The following TLK1 variants were observed in gnomAD, a reference collection of about 807,000 sequenced individuals.
TLK1 encodes tousled like kinase 1.
Under a neutral mutation model 105.3 loss-of-function variants are expected in TLK1, and 24 were observed. The observed-to-expected ratio is 0.23, with a 90% CI of 0.17 to 0.32. The LOEUF is 0.32. Ranked by LOEUF, TLK1 falls within the 10% of genes least tolerant of loss-of-function variation. The pLI is 1.00. For missense variants in TLK1, 558 were observed against 910.5 expected, an observed-to-expected ratio of 0.61 and a Z score of 4.98; for synonymous variants, 321 against 310.4, an observed-to-expected ratio of 1.03 and a Z score of -0.36.
chr2:171,152,706 A>G (rs1692090261), intron 1 of TLK1, among the ~76,000 whole-genome samples: 1 of 152,218 alleles, frequency 6.6e-6, no homozygotes, highest in Admixed American at 6.5e-5. Context: ...ATCAGGTTAT[A>G]AAGCCTCCAC....
intron 1 of TLK1, among the ~76,000 whole-genome samples, chr2:171,119,864 A>C (rs925451330): frequency 2.0e-5 from 3 of 152,148 alleles, no homozygotes; most frequent in Non-Finnish European, 4.4e-5. Context: ...AAACTTTCTA[A>C]CTCTTAGAAG....
chr2:171,225,887 G>C (rs1377894348), intron 1 of TLK1, among the ~76,000 whole-genome samples: 1 of 152,148 alleles, frequency 6.6e-6, no homozygotes, highest in East Asian at 1.9e-4. Flanking sequence ...ATGGAATTTA[G>C]AAACCAACAT....
intron 1 of TLK1, among the ~76,000 whole-genome samples, chr2:171,169,026 C>T (rs1041733882): frequency 3.3e-5 from 5 of 151,308 alleles, no homozygotes; most frequent in Admixed American, 6.6e-5. Flanking sequence ...TGCAGTGAGC[C>T]GAGATCTCGC....
At chr2:171,100,159 A>T (rs752325165) in intron 2 of TLK1, among the ~76,000 whole-genome samples, 2 of 152,246 alleles carry the variant, frequency 1.3e-5, no homozygotes, top group Non-Finnish European at 2.9e-5. Context: ...AAAGATGCTC[A>T]TCAGTCATTA....
intron 1 of TLK1, among the ~76,000 whole-genome samples, chr2:171,221,897 C>T (rs1575664111): frequency 2.6e-5 from 4 of 152,188 alleles, no homozygotes; most frequent in Non-Finnish European, 4.4e-5. Context: ...TTCAAGTCAC[C>T]ATATCCAAAT....
rs757352131 is a variant in TLK1 at position 171,058,188 on chromosome 2, A to G, written c.416T>C (p.Ile139Thr). The change falls in exon 5 of 21, where the codon ATT (isoleucine) becomes ACT (threonine). Residue 139 changes from isoleucine (I) to threonine (T), a missense_variant. Physicochemically the swap from Ile to Thr is moderately conservative, Grantham distance 89. Around this residue, in one of 5 missense-constraint regions of TLK1, gnomAD observed 196 missense variants for 239.3 expected, o/e 0.82. Coordinates refer to ENST00000431350, the MANE Select transcript of TLK1 (RefSeq NM_012290.5). ...NQNESSQGKS[I>T]GGRGHKISDY... ...GCTAATTTTGTGGCCACGTCCCCCA[A>G]TACTTTTTCCTAAAATATAAGAAGC... The G allele has an allele frequency of 4.3e-6, 7 of 1,613,420 alleles. No homozygotes were observed. The African/African-American group carries it at 5.3e-5, about 12-fold the overall frequency.
chr2:171,154,664 T>C (rs573420777), intron 1 of TLK1, among the ~76,000 whole-genome samples: 2 of 152,278 alleles, frequency 1.3e-5, no homozygotes, highest in East Asian at 3.9e-4. Context: ...CTACAATCAC[T>C]TTCTCCCCTA....
chr2:171,160,250 G>A lies in TLK1; in HGVS notation c.139+40C>T. 6.9e-7 allele frequency: 1 copy of A among 1,443,184 alleles called. No homozygotes were observed. Among genetic ancestry groups the A allele is most frequent in the Non-Finnish European group, 9.1e-7 (1 of 1,100,774 alleles). The allele number at this position is 1,443,184 out of a possible 1,614,324, so 89.4% of individuals were successfully genotyped here. ...GGGCGCGGGGGTCCGCGGCGCGGGAGAGGAGGCCCGCGAGCGGGCGCGGGC... is the reference window on the plus strand; with the variant it reads ...GGGCGCGGGGGTCCGCGGCGCGGGAAAGGAGGCCCGCGAGCGGGCGCGGGC... On this transcript the variant is annotated intron_variant, in intron 1 of 20. Coordinates refer to ENST00000431350, the MANE Select transcript of TLK1 (RefSeq NM_012290.5). This position sits in a 1 kb window ranked among gnomAD's most constrained non-coding sequence, Gnocchi z 4.4.
chr2:171,085,175 A>G (rs1318144977), intron 2 of TLK1, among the ~76,000 whole-genome samples: 1 of 152,198 alleles, frequency 6.6e-6, no homozygotes, highest in Non-Finnish European at 1.5e-5. Flanking sequence ...AGATCACCTG[A>G]GGTCAGGAGT....
chr2:170,997,998 T>C (rs1322087682), intron 18 of TLK1, among the ~76,000 whole-genome samples, 175 bp from the exon 19 acceptor site: 4 of 152,238 alleles, frequency 2.6e-5, no homozygotes, highest in African/African-American at 9.6e-5. Context: ...CATTTAACTC[T>C]AGAGCCAACA....
intron 1 of TLK1, among the ~76,000 whole-genome samples, chr2:171,220,828 C>T (rs1575663789): frequency 6.6e-6 from 1 of 151,944 alleles, no homozygotes; most frequent in South Asian, 2.1e-4. Flanking sequence ...CCCTAAAAAC[C>T]CTATCCTAAA....
At chr2:171,199,531 A>G (rs1693358507) in intron 1 of TLK1, among the ~76,000 whole-genome samples, 1 of 151,868 alleles carries the variant, frequency 6.6e-6, no homozygotes, top group African/African-American at 2.4e-5. Context: ...AAAAATCAGA[A>G]ACAAACCACA....
chr2:171,196,552 T>C (rs948349552), intron 1 of TLK1, among the ~76,000 whole-genome samples: 2 of 152,244 alleles, frequency 1.3e-5, no homozygotes, highest in Non-Finnish European at 2.9e-5. Flanking sequence ...GTTACTTGGT[T>C]TGCCATATAT....
intron 2 of TLK1, among the ~76,000 whole-genome samples, chr2:171,106,737 T>C (rs2105513248): frequency 6.6e-6 from 1 of 152,296 alleles, no homozygotes; most frequent in Non-Finnish European, 1.5e-5. Flanking sequence ...TGCCTACCTA[T>C]TAATACTGCA....
chr2:171,199,510 T>C (rs1049007571), intron 1 of TLK1, among the ~76,000 whole-genome samples: 2 of 147,316 alleles, frequency 1.4e-5, no homozygotes, highest in Admixed American at 6.7e-5. Flanking sequence ...GAGACCTGGT[T>C]AAAAAAAAAA....
At chr2:171,195,473 A>G (rs901497860) in intron 1 of TLK1, among the ~76,000 whole-genome samples, 16 of 145,566 alleles carry the variant, frequency 1.1e-4, no homozygotes, top group Non-Finnish European at 2.4e-4. Context: ...ACTGCACTCC[A>G]GCTAGGTGAC....
At chr2:171,111,331 G>A (rs1690148038) in intron 2 of TLK1, among the ~76,000 whole-genome samples, 1 of 152,148 alleles carries the variant, frequency 6.6e-6, no homozygotes, top group Non-Finnish European at 1.5e-5. Context: ...CCATCACTTT[G>A]GGAGGCCAAG....
chr2:171,146,405 A>G (rs1691793464), intron 1 of TLK1, among the ~76,000 whole-genome samples: 1 of 152,234 alleles, frequency 6.6e-6, no homozygotes, highest in Non-Finnish European at 1.5e-5. Flanking sequence ...TTGTTATGAC[A>G]TCAGCATATG....
chr2:171,116,498 C>T (rs545583295), intron 2 of TLK1, among the ~76,000 whole-genome samples: 11 of 152,032 alleles, frequency 7.2e-5, no homozygotes, highest in Admixed American at 2.6e-4. Flanking sequence ...GTCAGGAGTT[C>T]GAGACCAGCT....
Sources: allele counts gnomAD v4.1 joint callset (sites outside exome capture counted in the v4.1 genomes callset), GRCh38; gene constraint gnomAD v4.1.1; regional missense constraint gnomAD v4.1.1; non-coding constraint Gnocchi (gnomAD v3.1); transcripts MANE v1.5; gene names NCBI Gene and HGNC (gene_info 2026-07-23, HGNC 2026-07-21).